The following KCNN2 variants were observed in gnomAD, a reference collection of about 807,000 sequenced individuals.
The protein encoded by KCNN2 is small conductance calcium-activated potassium channel protein 2.
KCNN2 carries 24 observed loss-of-function variants against 55.5 expected under a neutral mutation model. That is an observed-to-expected ratio of 0.43 (90% CI 0.31 to 0.61). KCNN2 has a LOEUF of 0.61. Ranked by LOEUF, KCNN2 falls within the 20% of genes least tolerant of loss-of-function variation. The pLI is 0.08. For missense variants in KCNN2, 754 were observed against 853.6 expected (o/e 0.88, Z 1.45); for synonymous variants, 431 against 336.1 (o/e 1.28, Z -3.09).
At chr5:114,151,678 A>G (rs1368906278) in intron 1 of KCNN2, among the ~76,000 whole-genome samples, 1 of 152,144 alleles carries the variant, frequency 6.6e-6, no homozygotes, top group Non-Finnish European at 1.5e-5. Flanking sequence ...CTAGTGAAAG[A>G]GCTTTTCTAG....
intron 3 of KCNN2, among the ~76,000 whole-genome samples, chr5:114,445,450 G>GAAAC (rs939042694): frequency 2.6e-4 from 40 of 152,136 alleles, no homozygotes; most frequent in Non-Finnish European, 5.1e-4. Flanking sequence ...CACAAGTTAA[G>GAAAC]AAACAAACAC....
At chr5:114,310,633 A>T (rs1277161142) in intron 2 of KCNN2, among the ~76,000 whole-genome samples, 1 of 152,134 alleles carries the variant, frequency 6.6e-6, no homozygotes, top group Non-Finnish European at 1.5e-5. Context: ...CTGGGAACTT[A>T]TGAACAGAGA....
At chr5:114,344,376 G>T (rs144506573) in intron 2 of KCNN2, among the ~76,000 whole-genome samples, 4 of 152,158 alleles carry the variant, frequency 2.6e-5, no homozygotes, top group Non-Finnish European at 5.9e-5. Context: ...AGAGTGTAGG[G>T]TAAGGTCTGG....
At chr5:114,272,526 A>T (rs907544676) in intron 2 of KCNN2, among the ~76,000 whole-genome samples, 2 of 152,094 alleles carry the variant, frequency 1.3e-5, no homozygotes, top group Non-Finnish European at 2.9e-5. Flanking sequence ...ACACAAACTC[A>T]CACAATTTGT....
intron 2 of KCNN2, among the ~76,000 whole-genome samples, chr5:114,239,951 C>T (rs949545374): frequency 6.6e-6 from 1 of 152,012 alleles, no homozygotes; most frequent in African/African-American, 2.4e-5. Context: ...GCATTCTAAG[C>T]ATTAAAAAGG....
At chr5:114,372,517 G>A (rs1757792841) in intron 2 of KCNN2, among the ~76,000 whole-genome samples, 1 of 152,118 alleles carries the variant, frequency 6.6e-6, no homozygotes, top group African/African-American at 2.4e-5. Context: ...AAATAAGACT[G>A]ATTTGCTTGT....
intron 2 of KCNN2, among the ~76,000 whole-genome samples, chr5:114,356,133 T>C (rs1374909232): frequency 1.3e-5 from 2 of 152,024 alleles, no homozygotes; most frequent in Non-Finnish European, 2.9e-5. Flanking sequence ...CACAGAAAAA[T>C]TCAGAAGATT....
intron 3 of KCNN2, among the ~76,000 whole-genome samples, chr5:114,433,053 G>T (rs987473747): frequency 1.3e-5 from 2 of 152,328 alleles, no homozygotes; most frequent in East Asian, 3.9e-4. Context: ...CCACCCAAGG[G>T]CTGAGTAGTG....
At chr5:114,075,466 A>T (rs1042529111) in intron 1 of KCNN2, among the ~76,000 whole-genome samples, 2 of 152,226 alleles carry the variant, frequency 1.3e-5, no homozygotes, top group African/African-American at 4.8e-5. Context: ...TTGAAATTTT[A>T]CTGTAAAATA....
chr5:114,228,877 T>A (rs1036283677), intron 2 of KCNN2, among the ~76,000 whole-genome samples: 5 of 152,090 alleles, frequency 3.3e-5, no homozygotes, highest in African/African-American at 1.2e-4. Context: ...AAAAGCGTTT[T>A]GCTTTCAAAA....
intron 2 of KCNN2, among the ~76,000 whole-genome samples, chr5:114,376,014 C>G (rs1162188384): frequency 7.9e-6 from 1 of 126,286 alleles, no homozygotes; most frequent in Non-Finnish European, 1.6e-5. Context: ...TTCACACAAT[C>G]TCTTTTAACC....
At chr5:114,444,962 T>C (rs143676990) in intron 3 of KCNN2, among the ~76,000 whole-genome samples, 1 of 152,276 alleles carries the variant, frequency 6.6e-6, no homozygotes, top group East Asian at 1.9e-4. Context: ...TTCATTGTAT[T>C]ATTTTTCTAA....
chr5:114,393,976 G>A (rs1758536458), intron 2 of KCNN2, among the ~76,000 whole-genome samples: 1 of 40,866 alleles, frequency 2.4e-5, no homozygotes, highest in South Asian at 5.4e-4. Context: ...AAATAATCAT[G>A]TACATTCACT....
chr5:114,193,474 TAA>T (rs1345752431), intron 1 of KCNN2, among the ~76,000 whole-genome samples: 1 of 152,136 alleles, frequency 6.6e-6, no homozygotes, highest in Non-Finnish European at 1.5e-5. Flanking sequence ...TTCAGACAGA[TAA>T]TAGTGTTCCA....
chr5:114,372,655 A>G (rs943472837), intron 2 of KCNN2, among the ~76,000 whole-genome samples: 6 of 152,114 alleles, frequency 3.9e-5, no homozygotes, highest in African/African-American at 4.8e-5. Flanking sequence ...GGAAAATATG[A>G]AAAGTAGTAT....
intron 1 of KCNN2, among the ~76,000 whole-genome samples, chr5:114,159,389 G>T (rs111292326): frequency 6.6e-6 from 1 of 152,266 alleles, no homozygotes; most frequent in African/African-American, 2.4e-5. Flanking sequence ...TGGATGTGTT[G>T]CTGGATTCGG....
At chr5:114,111,051 G>A (rs903627843) in intron 1 of KCNN2, among the ~76,000 whole-genome samples, 1 of 152,040 alleles carries the variant, frequency 6.6e-6, no homozygotes, top group African/African-American at 2.4e-5. Context: ...ACCAAATCTG[G>A]AAGCCTCGTG....
chr5:114,446,910 A>G, intron 3 of KCNN2, among the ~76,000 whole-genome samples: 1 of 152,198 alleles, frequency 6.6e-6, no homozygotes, highest in Admixed American at 6.5e-5. Flanking sequence ...TCAGTCGATC[A>G]ATCAATCAAA....
chr5:114,244,714 G>C (rs1300714204), intron 2 of KCNN2, among the ~76,000 whole-genome samples: 1 of 152,134 alleles, frequency 6.6e-6, no homozygotes, highest in Non-Finnish European at 1.5e-5. Context: ...TCTGTGTTGT[G>C]TTGGTGAAGT....
Sources: allele counts gnomAD v4.1 joint callset (sites outside exome capture counted in the v4.1 genomes callset), GRCh38; gene constraint gnomAD v4.1.1; transcripts MANE v1.5; gene names NCBI Gene and HGNC (gene_info 2026-07-23, HGNC 2026-07-21).